The following MCCC2 variants were observed in gnomAD, a reference collection of about 807,000 sequenced individuals.
MCCC2 encodes the protein methylcrotonyl-CoA carboxylase subunit 2.
A neutral mutation model predicts 77.2 loss-of-function variants in MCCC2; 52 were observed. The ratio of observed to expected loss-of-function variants is 0.67; its 90% CI spans 0.54 to 0.85. The LOEUF is 0.85. Ranked by LOEUF, MCCC2 falls within the 40% of genes least tolerant of loss-of-function variation. MCCC2 has a pLI of 0.00. For synonymous variants in MCCC2, 253 were observed against 248.4 expected, an observed-to-expected ratio of 1.02 and a Z score of -0.18; for missense variants, 682 against 703.2, an observed-to-expected ratio of 0.97 and a Z score of 0.34.
intron 6 of MCCC2, among the ~76,000 whole-genome samples, chr5:71,611,541 T>G (rs747522234): frequency 5.3e-5 from 8 of 152,230 alleles, no homozygotes; most frequent in Non-Finnish European, 8.8e-5. Context: ...ATTGCATCTG[T>G]CAATATAAGT....
At chr5:71,628,233 A>C (rs978572976) in intron 7 of MCCC2, among the ~76,000 whole-genome samples, 1 of 152,070 alleles carries the variant, frequency 6.6e-6, no homozygotes, top group African/African-American at 2.4e-5. Flanking sequence ...AAATTGGGCT[A>C]TTTGTCTTTT....
At chr5:71,606,060 T>C (rs182801592) in intron 6 of MCCC2, among the ~76,000 whole-genome samples, 1 of 152,326 alleles carries the variant, frequency 6.6e-6, no homozygotes, top group East Asian at 1.9e-4. Flanking sequence ...CGATGTGGGC[T>C]CTTTTTTGGT....
intron 6 of MCCC2, among the ~76,000 whole-genome samples, chr5:71,615,419 T>A (rs1746129048): frequency 6.6e-6 from 1 of 152,136 alleles, no homozygotes; most frequent in Admixed American, 6.6e-5. Context: ...CGTGAAATTC[T>A]CCTTATGCTT....
intron 3 of MCCC2, among the ~76,000 whole-genome samples, chr5:71,598,034 C>T (rs1745257869): frequency 6.6e-6 from 1 of 151,272 alleles, no homozygotes; most frequent in South Asian, 2.1e-4. Context: ...AGATCCACCT[C>T]AGAAGGTGGT....
At chr5:71,621,519 G>T (rs574250614) in intron 6 of MCCC2, among the ~76,000 whole-genome samples, 4 of 151,980 alleles carry the variant, frequency 2.6e-5, no homozygotes, top group African/African-American at 9.7e-5. Context: ...TCTTGAGCCC[G>T]GGAAGTCAAG....
At chr5:71,595,662 A>G (rs1745158069) in intron 2 of MCCC2, among the ~76,000 whole-genome samples, 1 of 152,178 alleles carries the variant, frequency 6.6e-6, no homozygotes, top group African/African-American at 2.4e-5. Flanking sequence ...TGGGTTATAG[A>G]TATTCCCAAG....
Position 71,587,388 on chromosome 5 carries a change from G to A in MCCC2, c.-38G>A, listed in dbSNP as rs186132078. The A allele has an allele frequency of 6.8e-4, 1,039 of 1,530,168 alleles. 5 individuals carry two copies. The African/African-American group carries it at 0.013, about 19-fold the overall frequency. 94.8% of individuals were successfully genotyped at this position (1,530,168 alleles called of 1,614,324 possible). On this transcript the variant is annotated 5_prime_UTR_variant, in exon 1 of 17. Transcript: ENST00000340941. ...CGGCAGGGGAAAGCACCGGCTCCAG[G>A]CCAGCGTGGGCCGCTCTCTCGCTCG...
In MCCC2 at chr5:71,607,753, C is replaced by A. The variant is rs1023460846; in HGVS notation, c.624+3285C>A. Among the ~76,000 whole-genome samples, 63 of 150,504 alleles carry A rather than the reference C, an allele frequency of 4.2e-4. 1 individual carries two copies. The highest frequency in any genetic ancestry group is 5.3e-4 in the Admixed American group (8 of 15,068). On this transcript the variant is annotated intron_variant, in intron 6 of 16. Transcript: ENST00000340941. ...CCCTCTACACACTGTTTGAATGCGT[C>A]CCAGAGATTCTGGTATGTTGTGTCT...
chr5:71,635,323 G>C, intron 10 of MCCC2, 77 bp downstream of exon 10: 1 of 1,320,768 alleles, frequency 7.6e-7, no homozygotes, highest in Non-Finnish European at 1.1e-6. Flanking sequence ...CAAAGCTAAA[G>C]TTTGTTAAGA....
At chr5:71,623,184 C>T (rs1362937810) in intron 6 of MCCC2, among the ~76,000 whole-genome samples, 1 of 152,162 alleles carries the variant, frequency 6.6e-6, no homozygotes, top group Non-Finnish European at 1.5e-5. Context: ...GTTTTTTGAT[C>T]TCTGTATTAA....
chr5:71,638,484 G>A (rs12188784), intron 10 of MCCC2, among the ~76,000 whole-genome samples: 2,480 of 152,344 alleles, frequency 0.016, 41 homozygotes, highest in Middle Eastern at 0.12. Flanking sequence ...AGATCTGTCA[G>A]AGGAATCACT....
chr5:71,620,480 T>C (rs1411973818), intron 6 of MCCC2, among the ~76,000 whole-genome samples: 1 of 152,206 alleles, frequency 6.6e-6, no homozygotes. Flanking sequence ...ATGAATTGGA[T>C]AGTATTCTAC....
chr5:71,643,941 C>G (rs749295429), intron 12 of MCCC2, 46 bp downstream of exon 12: 7 of 1,609,696 alleles, frequency 4.3e-6, no homozygotes, highest in South Asian at 1.1e-5. Flanking sequence ...TTTAATTTAA[C>G]ATAACGTTGA....
intron 6 of MCCC2, among the ~76,000 whole-genome samples, chr5:71,607,360 G>T (rs1159518379): frequency 1.3e-5 from 2 of 151,768 alleles, no homozygotes; most frequent in African/African-American, 4.8e-5. Context: ...TAGTTTATTT[G>T]CGTAGAGGTG....
chr5:71,598,407 G>C (rs933495817), intron 3 of MCCC2, among the ~76,000 whole-genome samples: 1 of 151,562 alleles, frequency 6.6e-6, no homozygotes, highest in African/African-American at 2.4e-5. Context: ...AGAGAGCCTG[G>C]TATTTGGAAA....
chr5:71,635,694 G>C (rs1465308222), intron 10 of MCCC2: 1 of 295,906 alleles, frequency 3.4e-6, no homozygotes, highest in Non-Finnish European at 6.5e-6. Flanking sequence ...TGAAAATGTT[G>C]CTATGGTTAC....
At chr5:71,602,356 AT>A in intron 4 of MCCC2, 149 bp from the exon 5 acceptor site, 1 of 901,352 alleles carries the variant, frequency 1.1e-6, no homozygotes, top group Non-Finnish European at 1.8e-6. Context: ...TAAAGTTTGC[AT>A]TTATATCCTA....
intron 2 of MCCC2, 81 bp from the exon 3 acceptor site, chr5:71,596,199 G>A (rs982264944): frequency 9.5e-7 from 1 of 1,058,116 alleles, no homozygotes; most frequent in Admixed American, 2.1e-5. Context: ...GCTATATTTT[G>A]GATTAAGTAT....
intron 3 of MCCC2, 138 bp downstream of exon 3, chr5:71,596,502 T>C (rs1745195440): frequency 3.7e-6 from 3 of 810,186 alleles, no homozygotes; most frequent in Non-Finnish European, 6.3e-6. Context: ...GAGCCTACTA[T>C]GTGTCAAGCA....
Sources: gnomAD v4.1 joint callset for allele counts (sites outside exome capture counted in the v4.1 genomes callset) on GRCh38, gnomAD v4.1.1 for gene constraint, MANE v1.5 for transcripts, NCBI Gene and HGNC (gene_info 2026-07-23, HGNC 2026-07-21) for gene names.